Variants in DCDC2C observed in about 807,000 individuals in gnomAD.
The protein encoded by DCDC2C is doublecortin domain-containing protein 2C.
Under a neutral mutation model 45.0 loss-of-function variants are expected in DCDC2C, and 44 were observed. The ratio of observed to expected loss-of-function variants is 0.98; its 90% confidence interval spans 0.77 to 1.26. The LOEUF (loss-of-function observed/expected upper bound fraction) is 1.26, where lower values mean the gene tolerates loss of function less well. Ranked by LOEUF, DCDC2C falls within the 50% of genes most tolerant of loss-of-function variation. The pLI is 0.00. For missense variants in DCDC2C, 447 were observed against 468.9 expected (o/e 0.95, Z 0.43); for synonymous variants, 187 against 178.8 (o/e 1.05, Z -0.37).
At chr2:3,736,328 C>T (rs1383975970) in intron 3 of DCDC2C, among the ~76,000 whole-genome samples, 3 of 152,096 alleles carry the variant, frequency 2.0e-5, no homozygotes, top group East Asian at 1.9e-4. Flanking sequence ...AGAGGCAAGT[C>T]GTGAGGCACA....
chr2:3,754,712 G>C (rs1015570030), intron 6 of DCDC2C, 78 bp downstream of exon 6: 17 of 1,308,260 alleles, frequency 1.3e-5, no homozygotes, highest in Non-Finnish European at 1.8e-5. Context: ...GCACAGCGCA[G>C]GGTGACGGCC....
At chr2:3,770,270 G>C (rs1210138679) in intron 8 of DCDC2C, among the ~76,000 whole-genome samples, 2 of 152,206 alleles carry the variant, frequency 1.3e-5, no homozygotes, top group African/African-American at 4.8e-5. Flanking sequence ...CCCTGCTCCT[G>C]TAACTGTAAA....
intron 4 of DCDC2C, among the ~76,000 whole-genome samples, chr2:3,742,461 G>A (rs1422519201): frequency 2.0e-5 from 3 of 152,090 alleles, no homozygotes; most frequent in Non-Finnish European, 4.4e-5. Context: ...GGAAATGAAT[G>A]CCATGGGACA....
chr2:3,842,885 A>G (rs1672249857), intron 10 of DCDC2C, among the ~76,000 whole-genome samples: 1 of 152,126 alleles, frequency 6.6e-6, no homozygotes. Flanking sequence ...CCCAGAAGGG[A>G]CACATCACGT....
intron 8 of DCDC2C, among the ~76,000 whole-genome samples, chr2:3,773,972 G>A (rs1670257513): frequency 6.6e-6 from 1 of 152,168 alleles, no homozygotes; most frequent in Admixed American, 6.5e-5. Context: ...ATCTTTCCTT[G>A]GATTCTCAAA....
At chr2:3,802,500 C>T (rs66682952) in intron 10 of DCDC2C, among the ~76,000 whole-genome samples, 2 of 151,934 alleles carry the variant, frequency 1.3e-5, no homozygotes, top group Non-Finnish European at 2.9e-5. Context: ...CATAGAGTTG[C>T]AGGCTTAAAA....
chr2:3,847,521 G>A lies in DCDC2C; in HGVS notation c.*338G>A, dbSNP rs1209501696. 5.4e-5 allele frequency: 10 copies of A among 186,734 alleles called. 1 individual carries two copies. In the South Asian group the frequency reaches 5.8e-4, roughly 11 times the overall value. 11.6% of individuals were successfully genotyped at this position (186,734 alleles called of 1,614,324 possible). ...GATATTTTTTTCCTGGAATGTGTAC[G>A]GGAAGGTATCTCATTTATATGTAAC... On this transcript the variant is annotated 3_prime_UTR_variant, in exon 11 of 11. Coordinates refer to ENST00000399143, the MANE Select transcript of DCDC2C (RefSeq NM_001287444.2).
chr2:3,781,218 C>T (rs1451331407), intron 9 of DCDC2C, among the ~76,000 whole-genome samples: 2 of 152,276 alleles, frequency 1.3e-5, no homozygotes, highest in Non-Finnish European at 2.9e-5. Flanking sequence ...TCAATTAGCC[C>T]TTCCTGGCCA....
At chr2:3,717,123 T>A (rs549957162) in intron 2 of DCDC2C, among the ~76,000 whole-genome samples, 1 of 152,176 alleles carries the variant, frequency 6.6e-6, no homozygotes, top group Admixed American at 6.5e-5. Flanking sequence ...TGAACACTGC[T>A]GTTTTGTAGG....
chr2:3,802,796 C>CTAA (rs1671146154), intron 10 of DCDC2C, among the ~76,000 whole-genome samples: 4 of 152,150 alleles, frequency 2.6e-5, no homozygotes, highest in Admixed American at 2.6e-4. Context: ...CTAAATGACC[C>CTAA]ATCTCCATTT....
At chr2:3,803,594 G>A (rs1451726389) in intron 10 of DCDC2C, among the ~76,000 whole-genome samples, 2 of 152,200 alleles carry the variant, frequency 1.3e-5, no homozygotes, top group Non-Finnish European at 2.9e-5. Flanking sequence ...AGGTCTTTAT[G>A]TGCCTCTGCA....
At chr2:3,846,317 T>C (rs185878130) in intron 10 of DCDC2C, among the ~76,000 whole-genome samples, 1 of 152,110 alleles carries the variant, frequency 6.6e-6, no homozygotes, top group Admixed American at 6.5e-5. Context: ...TCTCACTCTG[T>C]CGCTCAGGCT....
intron 9 of DCDC2C, among the ~76,000 whole-genome samples, chr2:3,781,900 A>G (rs1670518628): frequency 6.6e-6 from 1 of 152,204 alleles, no homozygotes; most frequent in Non-Finnish European, 1.5e-5. Context: ...CTATATATAG[A>G]AAAGATTTCT....
At chr2:3,845,123 C>T (rs1284113036) in intron 10 of DCDC2C, among the ~76,000 whole-genome samples, 1 of 152,096 alleles carries the variant, frequency 6.6e-6, no homozygotes, top group Non-Finnish European at 1.5e-5. Flanking sequence ...ACAGTTTTGG[C>T]TTCTCTCCTC....
At chr2:3,729,103 A>AGT (rs2148078833) in intron 3 of DCDC2C, among the ~76,000 whole-genome samples, 1 of 152,358 alleles carries the variant, frequency 6.6e-6, no homozygotes, top group East Asian at 1.9e-4. Flanking sequence ...ACCCTGAGTC[A>AGT]GTGAATGAGC....
intron 2 of DCDC2C, among the ~76,000 whole-genome samples, chr2:3,715,741 C>T (rs1668335454): frequency 6.6e-6 from 1 of 152,118 alleles, no homozygotes; most frequent in Non-Finnish European, 1.5e-5. Flanking sequence ...CTAAATACTT[C>T]TTGAGCACTG....
intron 10 of DCDC2C, among the ~76,000 whole-genome samples, chr2:3,815,634 T>C (rs1028726885): frequency 1.3e-5 from 2 of 152,220 alleles, no homozygotes; most frequent in Non-Finnish European, 2.9e-5. Flanking sequence ...GCAGGCGGGC[T>C]GAGTCCGAAG....
Position 3,764,536 on chromosome 2 carries a change from G to A in DCDC2C, c.727-3218G>A, listed in dbSNP as rs141553838. On this transcript the variant is annotated intron_variant, in intron 6 of 10. Coordinates refer to ENST00000399143, the MANE Select transcript of DCDC2C (RefSeq NM_001287444.2). ...TCCTGCAGATGGCATTAGCTGGAAA[G>A]GACAGGGGCACTGCTTTGTGGGGAA... Among the ~76,000 whole-genome samples the A allele has an allele frequency of 3.4e-3, 519 of 152,324 alleles. 2 individuals are homozygous for A. The highest frequency in any genetic ancestry group is 0.012 in the African/African-American group (506 of 41,580).
At chr2:3,844,837 ACACTGTCAACC>A (rs1412234392) in intron 10 of DCDC2C, among the ~76,000 whole-genome samples, 1 of 152,182 alleles carries the variant, frequency 6.6e-6, no homozygotes, top group Non-Finnish European at 1.5e-5. Context: ...TTCCCTTCTT[ACACTGTCAACC>A]CACACTTGGC....
Sources: allele counts gnomAD v4.1 joint callset (sites outside exome capture counted in the v4.1 genomes callset), GRCh38; gene constraint gnomAD v4.1.1; transcripts MANE v1.5; gene names NCBI Gene and HGNC (gene_info 2026-07-23, HGNC 2026-07-21).